The following MPPED1 variants were observed in gnomAD, a reference collection of about 807,000 sequenced individuals.
The protein encoded by MPPED1 is metallophosphoesterase domain-containing protein 1.
In MPPED1, 16 loss-of-function variants were observed where a neutral mutation model predicts 36.2. That is an observed-to-expected ratio of 0.44 (90% confidence interval 0.30 to 0.67). The LOEUF (loss-of-function observed/expected upper bound fraction) is 0.67, where lower values mean the gene tolerates loss of function less well. Ranked by LOEUF, MPPED1 falls within the 30% of genes least tolerant of loss-of-function variation. The pLI, the probability that MPPED1 is intolerant of heterozygous loss-of-function variation, is 0.10. For missense variants in MPPED1, 307 were observed against 453.4 expected (o/e 0.68, Z 2.93); for synonymous variants, 199 against 191.3 (o/e 1.04, Z -0.33).
chr22:43,446,984 G>A (rs189561054), intron 3 of MPPED1, among the ~76,000 whole-genome samples: 2 of 152,200 alleles, frequency 1.3e-5, no homozygotes, highest in Non-Finnish European at 2.9e-5. Context: ...GGACCATGTA[G>A]GCTTAACTTG....
chr22:43,502,523 G>A lies in MPPED1; in HGVS notation c.749-121G>A. 1.4e-6 allele frequency: 1 copy of A among 724,782 alleles called. No homozygotes were observed. Among genetic ancestry groups the A allele is most frequent in the Non-Finnish European group, 2.3e-6 (1 of 426,214 alleles). 44.9% of individuals were successfully genotyped at this position (724,782 alleles called of 1,614,324 possible). ...GGAGAGCTTGCTAGGGGAGAGTGGT[G>A]CAAAGCCGGAGTCCGGAAGCCCCAT... On this transcript the variant is annotated intron_variant, in intron 5 of 6. Coordinates refer to ENST00000443721, the MANE Select transcript of MPPED1 (RefSeq NM_001044370.2). This position sits in a 1 kb window ranked among gnomAD's most constrained non-coding sequence, Gnocchi z 5.5.
chr22:43,440,155 G>T (rs1402512543), intron 3 of MPPED1, among the ~76,000 whole-genome samples: 1 of 152,260 alleles, frequency 6.6e-6, no homozygotes, highest in Non-Finnish European at 1.5e-5. Flanking sequence ...AGCTGGCCAT[G>T]GTGACCCCAG....
At position 43,444,551 on chromosome 22, in the gene MPPED1, C is replaced by T. The variant is rs1476913199; in HGVS notation, c.406+9336C>T. Among the ~76,000 whole-genome samples, 7 of 151,756 alleles carry T rather than the reference C, an allele frequency of 4.6e-5. No individual in the cohort carries two copies. The East Asian group carries it at 5.8e-4, about 13-fold the overall frequency. On this transcript the variant is annotated intron_variant, in intron 3 of 6. Transcript: ENST00000443721. ...CTAATTTTTGTATTTTTTGTGGAAACGGGGTTTCACCATGTTGGCCATGCT... is the reference window on the plus strand; with the variant it reads ...CTAATTTTTGTATTTTTTGTGGAAATGGGGTTTCACCATGTTGGCCATGCT...
At chr22:43,499,735 G>A (rs868625175) in intron 5 of MPPED1, among the ~76,000 whole-genome samples, 1 of 15,408 alleles carries the variant, frequency 6.5e-5, no homozygotes. Flanking sequence ...GTGGTGATGG[G>A]GGTGGTGGTG....
In MPPED1 at chr22:43,425,103, C is replaced by T. The variant is rs1479745228; in HGVS notation, c.118C>T (p.His40Tyr). 5 of 1,613,730 alleles carry T rather than the reference C, an allele frequency of 3.1e-6. No individual in the cohort carries two copies. The highest frequency in any genetic ancestry group is 4.2e-6 in the Non-Finnish European group (5 of 1,179,914). Residue 40 changes from histidine (H) to tyrosine (Y), a missense_variant, in exon 2 of 7, where the codon CAC (histidine) becomes TAC (tyrosine). Transcript: ENST00000443721. ...SHVMAARRHQ[H>Y]SRLIIEVDEY... The stretch of plus-strand genomic sequence containing the variant: ...CGTGATGGCCGCTCGGCGGCACCAG[C>T]ACAGCCGGCTCATCATCGAGGTGGA...
At chr22:43,496,679 ATGGTGG>A (rs1402977277) in intron 4 of MPPED1, among the ~76,000 whole-genome samples, 4 of 466 alleles carry the variant, frequency 8.6e-3, no homozygotes, top group Non-Finnish European at 9.6e-3. Context: ...GGTGGTGGAG[ATGGTGG>A]TGGTGGTGGT....
chr22:43,460,087 G>A (rs1388897303), intron 3 of MPPED1, among the ~76,000 whole-genome samples: 2 of 151,970 alleles, frequency 1.3e-5, no homozygotes, highest in Non-Finnish European at 2.9e-5. Context: ...TGTGCCTGTA[G>A]TCCCAGCTAC....
At chr22:43,436,771 C>T (rs778894425) in intron 3 of MPPED1, among the ~76,000 whole-genome samples, 8 of 152,248 alleles carry the variant, frequency 5.3e-5, no homozygotes, top group Non-Finnish European at 1.2e-4. Flanking sequence ...GCCAAGCCCC[C>T]GCTGTGTGCC....
chr22:43,446,758 G>T (rs761088648), intron 3 of MPPED1, among the ~76,000 whole-genome samples: 3 of 152,138 alleles, frequency 2.0e-5, no homozygotes, highest in Non-Finnish European at 4.4e-5. Flanking sequence ...AACCTAGGGC[G>T]CAAGGCTGAA....
chr22:43,444,279 G>GGGGTGTGTGTGT lies in MPPED1; in HGVS notation c.406+9065_406+9066insGGTGTGTGTGTG, dbSNP rs1234228311. ...TTGGAAATGAAATGAGACCCACTGG[G>GGGGTGTGTGTGT]GTGTGTGTGTGTGTGTGTGTGTGTG... is the stretch of plus-strand genomic sequence containing the variant. On this transcript the variant is annotated intron_variant, in intron 3 of 6. Transcript: ENST00000443721. Among the ~76,000 whole-genome samples, 18 of 142,018 alleles carry GGGGTGTGTGTGT rather than the reference G, an allele frequency of 1.3e-4. No homozygotes were observed. In the South Asian group the frequency reaches 3.0e-3, roughly 23 times the overall value. 93.2% of individuals were successfully genotyped at this position (142,018 alleles called of 152,430 possible).
Position 43,437,312 on chromosome 22 carries a change from T to C in MPPED1, c.406+2097T>C, listed in dbSNP as rs1929995168. On this transcript the variant is annotated intron_variant, in intron 3 of 6. Transcript: ENST00000443721. ...TCAGGTTTACTGAGCATTTAGTATGTGCTGGGTGCTGTTCTATACCCTTCG... is the reference window on the plus strand; with the variant it reads ...TCAGGTTTACTGAGCATTTAGTATGCGCTGGGTGCTGTTCTATACCCTTCG... 2.0e-5 allele frequency among the ~76,000 whole-genome samples: 3 copies of C among 152,236 alleles called. No individual in the cohort carries two copies. In the South Asian group the frequency reaches 6.2e-4, roughly 32 times the overall value.
At chr22:43,472,080 G>T (rs1931395954) in intron 3 of MPPED1, among the ~76,000 whole-genome samples, 2 of 152,190 alleles carry the variant, frequency 1.3e-5, no homozygotes, top group Admixed American at 1.3e-4. Context: ...TGGGGATTGG[G>T]GCCAGCTGGA....
intron 2 of MPPED1, among the ~76,000 whole-genome samples, chr22:43,427,637 C>T (rs1182449320): frequency 3.3e-5 from 5 of 152,284 alleles, no homozygotes; most frequent in East Asian, 3.9e-4. Flanking sequence ...CATTCATTCA[C>T]GCATTTGGGA....
intron 4 of MPPED1, among the ~76,000 whole-genome samples, chr22:43,490,168 G>T (rs994157194): frequency 6.6e-6 from 1 of 152,206 alleles, no homozygotes; most frequent in Admixed American, 6.5e-5. Context: ...CAATGTTGTG[G>T]TGTCAGCTGC....
intron 1 of MPPED1, among the ~76,000 whole-genome samples, chr22:43,421,508 C>T (rs1029094133): frequency 6.6e-6 from 1 of 152,174 alleles, no homozygotes; most frequent in Non-Finnish European, 1.5e-5. Flanking sequence ...GGGTGGGGGC[C>T]CCTGGAACCC....
chr22:43,435,847 A>G (rs1162179087), intron 3 of MPPED1, among the ~76,000 whole-genome samples: 2 of 152,112 alleles, frequency 1.3e-5, no homozygotes, highest in East Asian at 3.9e-4. Context: ...ACAGAGTGAG[A>G]CTCTGTCTCA....
intron 3 of MPPED1, among the ~76,000 whole-genome samples, chr22:43,439,737 A>C (rs1170489956): frequency 1.3e-5 from 2 of 152,048 alleles, no homozygotes; most frequent in East Asian, 3.9e-4. Flanking sequence ...ACAACTTGCC[A>C]CTCCCAGATC....
At chr22:43,489,754 G>C (rs1317374768) in intron 4 of MPPED1, among the ~76,000 whole-genome samples, 1 of 152,140 alleles carries the variant, frequency 6.6e-6, no homozygotes. Flanking sequence ...CCTGACCTGA[G>C]GTGATCCACC....
At chr22:43,495,359 ATGG>A (rs1413925721) in intron 4 of MPPED1, among the ~76,000 whole-genome samples, 3 of 46,014 alleles carry the variant, frequency 6.5e-5, no homozygotes, top group East Asian at 1.9e-3. Flanking sequence ...GATGGAGGTG[ATGG>A]TGGTGATGGT....
Sources: gnomAD v4.1 joint callset for allele counts (sites outside exome capture counted in the v4.1 genomes callset) on GRCh38, gnomAD v4.1.1 for gene constraint, Gnocchi (gnomAD v3.1) non-coding constraint, MANE v1.5 for transcripts, NCBI Gene and HGNC (gene_info 2026-07-23, HGNC 2026-07-21) for gene names.